DOCK4: variants seen among roughly 807,000 people sequenced by gnomAD.
DOCK4 encodes dedicator of cytokinesis 4.
Under a neutral mutation model 268.1 loss-of-function variants are expected in DOCK4, and 97 were observed. That is an observed-to-expected ratio of 0.36 (90% CI 0.31 to 0.43). The LOEUF is 0.43. DOCK4 is among the 20% of genes least tolerant of loss of function. The pLI is 1.00. For missense variants in DOCK4, 2,145 were observed against 2,455.7 expected (o/e 0.87, Z 2.67); for synonymous variants, 954 against 887.2 (o/e 1.08, Z -1.34).
chr7:112,066,735 A>C (rs1268513809), intron 1 of DOCK4, among the ~76,000 whole-genome samples: 2 of 90,006 alleles, frequency 2.2e-5, no homozygotes, highest in Admixed American at 1.2e-4. Context: ...ATATATATAT[A>C]TATATATCTC....
intron 1 of DOCK4, among the ~76,000 whole-genome samples, chr7:112,141,600 A>G (rs927983458): frequency 6.6e-6 from 1 of 152,240 alleles, no homozygotes; most frequent in South Asian, 2.1e-4. Context: ...ATGATATAAT[A>G]GATACATACA....
At chr7:112,004,173 A>G (rs1200464574) in intron 1 of DOCK4, 42 bp from the exon 2 acceptor site, 1 of 1,418,708 alleles carries the variant, frequency 7.0e-7, no homozygotes, top group Non-Finnish European at 9.7e-7. Flanking sequence ...AATCATGTCC[A>G]TTACAGCTTA....
chr7:111,760,843 G>C (rs1359289960), intron 39 of DOCK4, among the ~76,000 whole-genome samples: 2 of 150,774 alleles, frequency 1.3e-5, no homozygotes, highest in Non-Finnish European at 3.0e-5. Context: ...TTCTGAGGTA[G>C]GTTAAGACAG....
At chr7:111,958,536 T>C (rs537993884) in intron 8 of DOCK4, among the ~76,000 whole-genome samples, 32 of 152,294 alleles carry the variant, frequency 2.1e-4, no homozygotes, top group African/African-American at 7.7e-4. Context: ...AACACAGGCA[T>C]AGGTGTAAGA....
intron 1 of DOCK4, among the ~76,000 whole-genome samples, chr7:112,088,413 T>C (rs1809320131): frequency 6.6e-6 from 1 of 152,176 alleles, no homozygotes; most frequent in African/African-American, 2.4e-5. Context: ...GATTTTCTTA[T>C]CCTCTTTTGG....
At chr7:111,741,505 G>C (rs1274399224) in intron 46 of DOCK4, 35 bp downstream of exon 46, 4 of 1,607,104 alleles carry the variant, frequency 2.5e-6, no homozygotes, top group Non-Finnish European at 3.4e-6. Context: ...TTGCGGGTGA[G>C]GCCAAATTGT....
At chr7:112,064,713 C>A (rs1210574024) in intron 1 of DOCK4, among the ~76,000 whole-genome samples, 3 of 152,304 alleles carry the variant, frequency 2.0e-5, no homozygotes, top group Non-Finnish European at 4.4e-5. Flanking sequence ...GAAATCCTAA[C>A]CTCAATACCT....
rs117225067 is a variant in DOCK4 at position 111,871,796 on chromosome 7, T to C, written c.2027+194A>G. On this transcript the variant is annotated intron_variant, in intron 20 of 52. Coordinates refer to ENST00000428084, the MANE Select transcript of DOCK4 (RefSeq NM_001363540.2). Reference sequence around the variant, plus strand: ...AGGAATAGAATTCAGGAGGTTTTTTTCCCTTTTTAATCAAAATAAGTTCTA... The same window carrying C: ...AGGAATAGAATTCAGGAGGTTTTTTCCCCTTTTTAATCAAAATAAGTTCTA... Among the ~76,000 whole-genome samples the C allele has an allele frequency of 9.8e-3, 1,489 of 152,262 alleles. 21 individuals are homozygous for C. The highest frequency in any genetic ancestry group is 0.016 in the Non-Finnish European group (1,080 of 68,010).
rs1796296922 is a variant in DOCK4, at chr7:111,746,784, A to C, written c.4594-367T>G. ...AAGAGAGCAGATGAAAGGTCCACTT[A>C]AAGTATCATCTAAGCAAGATCGGTC... On this transcript the variant is annotated intron_variant, in intron 43 of 52. Coordinates refer to ENST00000428084, the MANE Select transcript of DOCK4 (RefSeq NM_001363540.2). Among the ~76,000 whole-genome samples, 4 of 150,530 alleles carry C rather than the reference A, an allele frequency of 2.7e-5. No homozygotes were observed. In the South Asian group the frequency reaches 8.4e-4, roughly 32 times the overall value.
chr7:112,037,543 C>T (rs1448365361), intron 1 of DOCK4, among the ~76,000 whole-genome samples: 1 of 152,168 alleles, frequency 6.6e-6, no homozygotes, highest in African/African-American at 2.4e-5. Context: ...TATAAACGGA[C>T]TCATACAAGA....
chr7:111,728,816 C>G, intron 52 of DOCK4, 96 bp from the exon 53 acceptor site: 1 of 1,231,856 alleles, frequency 8.1e-7, no homozygotes, highest in Non-Finnish European at 1.1e-6. Flanking sequence ...GCCCCGGCCC[C>G]CAGCACCCCC....
intron 1 of DOCK4, among the ~76,000 whole-genome samples, chr7:112,010,112 T>C (rs1053793541): frequency 2.0e-5 from 3 of 152,190 alleles, no homozygotes; most frequent in African/African-American, 7.2e-5. Context: ...CCACCATGCC[T>C]GGCCAAGGAG....
intron 17 of DOCK4, among the ~76,000 whole-genome samples, chr7:111,875,969 C>G (rs1465588677): frequency 6.6e-6 from 1 of 152,126 alleles, no homozygotes; most frequent in African/African-American, 2.4e-5. Context: ...CCACACACAC[C>G]TAATCCACAT....
intron 25 of DOCK4, among the ~76,000 whole-genome samples, chr7:111,839,106 C>T (rs1168010707): frequency 1.3e-5 from 2 of 152,118 alleles, no homozygotes; most frequent in African/African-American, 2.4e-5. Flanking sequence ...CCCAGGTATC[C>T]CTGGTTCTAG....
chr7:111,739,292 A>G (rs1412796206), intron 48 of DOCK4, 49 bp from the exon 49 acceptor site: 1 of 1,595,980 alleles, frequency 6.3e-7, no homozygotes, highest in Non-Finnish European at 8.6e-7. Context: ...GTGGTGCTGC[A>G]CCTGTTTGGA....
At chr7:112,096,732 G>T (rs545572492) in intron 1 of DOCK4, among the ~76,000 whole-genome samples, 2 of 152,284 alleles carry the variant, frequency 1.3e-5, no homozygotes, top group South Asian at 4.1e-4. Context: ...GTGAGATTTG[G>T]TGCTGCCCAG....
chr7:112,128,978 C>G (rs112447504), intron 1 of DOCK4, among the ~76,000 whole-genome samples: 1 of 152,142 alleles, frequency 6.6e-6, no homozygotes, highest in African/African-American at 2.4e-5. Context: ...ATAGTCACTG[C>G]GGAAAGCAGG....
At chr7:112,079,128 CACAA>C (rs376848506) in intron 1 of DOCK4, among the ~76,000 whole-genome samples, 2 of 152,028 alleles carry the variant, frequency 1.3e-5, no homozygotes, top group Non-Finnish European at 2.9e-5. Context: ...CTCTGTCTCA[CACAA>C]ACAAACAAAA....
In DOCK4 at chr7:112,018,143, C is replaced by CAAAAAAAAAAAAAAAAAAAAAAAAAAAAA. The variant is rs140883588; in HGVS notation, c.38-14041_38-14013dup. Among the ~76,000 whole-genome samples, 5 of 20,640 alleles carry CAAAAAAAAAAAAAAAAAAAAAAAAAAAAA rather than the reference C, an allele frequency of 2.4e-4. 1 individual carries two copies. The highest frequency in any genetic ancestry group is 0.01 in the East Asian group (2 of 198). The allele number at this position is 20,640 out of a possible 152,430, so 13.5% of individuals were successfully genotyped here. A position where few individuals can be genotyped will look rare whatever the true frequency, so the allele number is the denominator to read the frequency against. ...TGGGCAACACAGCAAGACTCCAGCT[C>CAAAAAAAAAAAAAAAAAAAAAAAAAAAAA]AAAAAAAAAAAAAAAAAAAAAAAAA... On this transcript the variant is annotated intron_variant, in intron 1 of 52. Coordinates refer to ENST00000428084, the MANE Select transcript of DOCK4 (RefSeq NM_001363540.2).
Sources: gnomAD v4.1 joint callset for allele counts (sites outside exome capture counted in the v4.1 genomes callset) on GRCh38, gnomAD v4.1.1 for gene constraint, MANE v1.5 for transcripts, NCBI Gene and HGNC (gene_info 2026-07-23, HGNC 2026-07-21) for gene names.